Variants in SHISA5 observed in about 807,000 individuals in gnomAD.
The protein encoded by SHISA5 is shisa family member 5.
SHISA5 carries 21 observed loss-of-function variants against 27.5 expected under a neutral mutation model. The observed-to-expected ratio is 0.76, with a 90% CI of 0.54 to 1.10. The LOEUF (loss-of-function observed/expected upper bound fraction) is 1.10. SHISA5 is among the 50% of genes least tolerant of loss of function. The pLI is 0.00. For missense variants in SHISA5, 314 were observed against 336.3 expected (o/e 0.93, Z 0.52); for synonymous variants, 137 against 142.2 (o/e 0.96, Z 0.26).
chr3:48,495,393 C>CAA (rs1247892664), intron 2 of SHISA5, among the ~76,000 whole-genome samples: 1 of 86,616 alleles, frequency 1.2e-5, no homozygotes, highest in Non-Finnish European at 2.3e-5. Context: ...TGAAGTGGCT[C>CAA]AAAAAAAAAA....
intron 3 of SHISA5, 57 bp downstream of exon 3, chr3:48,479,118 CCT>C (rs2040917375): frequency 1.3e-6 from 2 of 1,490,390 alleles, no homozygotes; most frequent in African/African-American, 1.4e-5. Context: ...CACTGGCCCC[CCT>C]GAGCCCTCTT....
rs543697937 is a variant in SHISA5, at chr3:48,479,795, A to G, written c.234-538T>C. On this transcript the variant is annotated intron_variant, in intron 2 of 5. Coordinates refer to ENST00000296444, the MANE Select transcript of SHISA5 (RefSeq NM_016479.6). ...TTTAGTAGAGACAGTGTTTCACCAT[A>G]TTGGCCAGGCTGGTCTCGAACTCCT... 3.3e-5 allele frequency among the ~76,000 whole-genome samples: 5 copies of G among 151,778 alleles called. No homozygotes were observed. In the South Asian group the frequency reaches 8.3e-4, roughly 25 times the overall value.
At chr3:48,489,305 C>T (rs773920403) in intron 2 of SHISA5, among the ~76,000 whole-genome samples, 3 of 151,452 alleles carry the variant, frequency 2.0e-5, no homozygotes, top group Non-Finnish European at 4.4e-5. Flanking sequence ...GATTGGACAC[C>T]CCTGCTACAG....
At chr3:48,471,554 CAAAAAAAAAAA>C (rs1553822500) in intron 3 of SHISA5, among the ~76,000 whole-genome samples, 4 of 16,710 alleles carry the variant, frequency 2.4e-4, no homozygotes, top group African/African-American at 8.0e-4. Context: ...GACTCTGTCT[CAAAAAAAAAAA>C]AAAAAAAAAA....
At chr3:48,472,486 ACT>A (rs2040669411) in intron 3 of SHISA5, among the ~76,000 whole-genome samples, 1 of 152,148 alleles carries the variant, frequency 6.6e-6, no homozygotes, top group African/African-American at 2.4e-5. Context: ...ACAGAGCGAG[ACT>A]CTGTCTCCAA....
At position 48,469,035 on chromosome 3, in the gene SHISA5, G is replaced by A. The variant is rs1456152843; in HGVS notation, c.*72C>T. 1 of 1,606,200 alleles carries A rather than the reference G, an allele frequency of 6.2e-7. No individual in the cohort carries two copies. Among genetic ancestry groups the A allele is most frequent in the Non-Finnish European group, 8.5e-7 (1 of 1,179,150 alleles). On this transcript the variant is annotated 3_prime_UTR_variant, in exon 6 of 6. Transcript: ENST00000296444. This position sits in a 1 kb window ranked among gnomAD's most constrained non-coding sequence, Gnocchi z 4.6. ...ACACACAGCACACATGGGGCGTAAG[G>A]AACCGCGCCTGCACACCACTCACGC...
At chr3:48,482,807 G>C (rs999596452) in intron 2 of SHISA5, among the ~76,000 whole-genome samples, 1 of 151,778 alleles carries the variant, frequency 6.6e-6, no homozygotes, top group Non-Finnish European at 1.5e-5. Flanking sequence ...GCTAATTTTT[G>C]TATTTTTAGT....
chr3:48,479,091 CCA>C lies in SHISA5; in HGVS notation c.314+84_314+85del, dbSNP rs2040916138. 3 of 1,244,168 alleles carry C rather than the reference CCA, an allele frequency of 2.4e-6. No individual in the cohort carries two copies. In the South Asian group the frequency reaches 3.9e-5, roughly 16 times the overall value. 77.1% of individuals were successfully genotyped at this position (1,244,168 alleles called of 1,614,324 possible). A position where few individuals can be genotyped will look rare whatever the true frequency, so the allele number is the denominator to read the frequency against. On this transcript the variant is annotated intron_variant, in intron 3 of 5. Transcript: ENST00000296444. ...GCTCCACCCCAATGACCGAATCATC[CCA>C]GTCCCCCAGATGCACACTGGCCCCC...
chr3:48,480,615 C>G (rs1457769205), intron 2 of SHISA5, among the ~76,000 whole-genome samples: 1 of 151,932 alleles, frequency 6.6e-6, no homozygotes, highest in Non-Finnish European at 1.5e-5. Flanking sequence ...AAAAATTAGC[C>G]GGGCTCAGTG....
chr3:48,489,040 ATGAAG>A (rs2041340030), intron 2 of SHISA5, among the ~76,000 whole-genome samples: 1 of 152,050 alleles, frequency 6.6e-6, no homozygotes, highest in Non-Finnish European at 1.5e-5. Context: ...GAGAAAGGGG[ATGAAG>A]TGAAGGAAGG....
At chr3:48,485,403 G>A (rs981693892) in intron 2 of SHISA5, among the ~76,000 whole-genome samples, 2 of 151,392 alleles carry the variant, frequency 1.3e-5, no homozygotes, top group Non-Finnish European at 2.9e-5. Context: ...GCTGAGGCAG[G>A]AGAATCGCTT....
In SHISA5 at chr3:48,469,849, A is replaced by G; in HGVS notation, c.315-6T>C. ...CGGCCAAGGTCGCTCCGAACCTGCC[A>G]AAGAGCTAGACGTGACCCGGGGCAC... On this transcript the variant is annotated splice_polypyrimidine_tract_variant and splice_region_variant and intron_variant, in intron 3 of 5. Coordinates refer to ENST00000296444, the MANE Select transcript of SHISA5 (RefSeq NM_016479.6). The surrounding 1 kb of genome is among the most constrained non-coding windows in gnomAD (Gnocchi z 4.6). 1 of 1,612,042 alleles carries G rather than the reference A, an allele frequency of 6.2e-7. No individual in the cohort carries two copies. The highest frequency in any genetic ancestry group is 8.5e-7 in the Non-Finnish European group (1 of 1,179,048).
intron 2 of SHISA5, among the ~76,000 whole-genome samples, chr3:48,487,559 A>AT (rs1043062033): frequency 9.9e-5 from 15 of 152,042 alleles, no homozygotes; most frequent in Non-Finnish European, 2.2e-4. Context: ...AGTTTAATAG[A>AT]TTTTTTTACT....
At chr3:48,491,173 C>T (rs978220461) in intron 2 of SHISA5, among the ~76,000 whole-genome samples, 2 of 147,282 alleles carry the variant, frequency 1.4e-5, no homozygotes, top group Admixed American at 7.1e-5. Flanking sequence ...GGCTGGAGTG[C>T]AGTGGCGTGA....
chr3:48,469,487 TTGGTCCAGGGTAGC>T lies in SHISA5; in HGVS notation c.503_516del (p.Ser168LysfsTer148). On this transcript the variant is annotated frameshift_variant, in exon 5 of 6. Coordinates refer to ENST00000296444, the MANE Select transcript of SHISA5 (RefSeq NM_016479.6). LOFTEE classifies it high-confidence loss of function. This position sits in a 1 kb window ranked among gnomAD's most constrained non-coding sequence, Gnocchi z 4.6. ...GGCATGGTGTGGTAGCCCTGGTAGCTTGGTCCAGGGTAGCTGGGCGGCACACTTGGAGGCTGAGG... is the reference window on the plus strand; with the variant it reads ...GGCATGGTGTGGTAGCCCTGGTAGCTTGGGCGGCACACTTGGAGGCTGAGG... The T allele has an allele frequency of 6.2e-7, 1 of 1,613,868 alleles. No individual in the cohort carries two copies. The highest frequency in any genetic ancestry group is 8.5e-7 in the Non-Finnish European group (1 of 1,179,912).
chr3:48,484,113 G>T (rs1036517051), intron 2 of SHISA5, among the ~76,000 whole-genome samples: 2 of 152,182 alleles, frequency 1.3e-5, no homozygotes. Flanking sequence ...TAGCACAATG[G>T]TGTCAGAGTA....
intron 2 of SHISA5, among the ~76,000 whole-genome samples, chr3:48,481,647 G>C (rs1009919228): frequency 6.6e-6 from 1 of 151,420 alleles, no homozygotes; most frequent in African/African-American, 2.4e-5. Flanking sequence ...AAATTAGCCT[G>C]GTGTGGTGGT....
intron 3 of SHISA5, among the ~76,000 whole-genome samples, chr3:48,471,994 C>T (rs1405916058): frequency 1.3e-5 from 2 of 149,840 alleles, no homozygotes; most frequent in Non-Finnish European, 3.0e-5. Context: ...ACTACCCTGG[C>T]TAACATGGTA....
At chr3:48,486,529 A>G (rs56169718) in intron 2 of SHISA5, among the ~76,000 whole-genome samples, 3 of 119,864 alleles carry the variant, frequency 2.5e-5, no homozygotes, top group African/African-American at 9.7e-5. Context: ...TATATATAAT[A>G]TAATTATAAA....
Sources: allele counts gnomAD v4.1 joint callset (sites outside exome capture counted in the v4.1 genomes callset), GRCh38; gene constraint gnomAD v4.1.1; non-coding constraint Gnocchi (gnomAD v3.1); transcripts MANE v1.5; gene names NCBI Gene and HGNC (gene_info 2026-07-23, HGNC 2026-07-21).